The following CCDC148 variants were observed in gnomAD, a reference collection of about 807,000 sequenced individuals.
CCDC148 encodes coiled-coil domain containing 148.
In CCDC148, 89 loss-of-function variants were observed where a neutral mutation model predicts 85.7. The observed-to-expected ratio is 1.04, with a 90% CI of 0.87 to 1.24. CCDC148 has a LOEUF of 1.24. Among genes scored for constraint, CCDC148 ranks in the 50% most tolerant of loss-of-function variants. CCDC148 has a pLI of 0.00. For missense variants in CCDC148, 692 were observed against 671.7 expected (o/e 1.03, Z -0.33); for synonymous variants, 230 against 213.9 (o/e 1.08, Z -0.66).
intron 9 of CCDC148, among the ~76,000 whole-genome samples, chr2:158,270,388 A>C (rs1166032846): frequency 6.6e-6 from 1 of 152,174 alleles, no homozygotes; most frequent in Non-Finnish European, 1.5e-5. Flanking sequence ...CAAGTGTACT[A>C]AGCATTGTAT....
At chr2:158,413,603 C>CTTTT (rs4028060) in intron 1 of CCDC148, among the ~76,000 whole-genome samples, 5 of 148,816 alleles carry the variant, frequency 3.4e-5, no homozygotes, top group Middle Eastern at 3.5e-3. Context: ...TTTCTCTTGC[C>CTTTT]TTTTTTTTTT....
intron 1 of CCDC148, among the ~76,000 whole-genome samples, chr2:158,385,225 C>G (rs1418083080): frequency 6.6e-6 from 1 of 152,124 alleles, no homozygotes; most frequent in South Asian, 2.1e-4. Flanking sequence ...ATAATCTCCC[C>G]TATTCTGAGA....
intron 9 of CCDC148, among the ~76,000 whole-genome samples, chr2:158,264,505 A>G (rs948122366): frequency 4.6e-5 from 7 of 152,236 alleles, no homozygotes; most frequent in Admixed American, 2.6e-4. Context: ...GTGCATGTTG[A>G]TATGTGTGCA....
chr2:158,391,761 A>C (rs1685318424), intron 1 of CCDC148, among the ~76,000 whole-genome samples: 1 of 152,300 alleles, frequency 6.6e-6, no homozygotes, highest in African/African-American at 2.4e-5. Flanking sequence ...GTGTAAGTAA[A>C]GTTGTAATCA....
At chr2:158,453,057 T>C (rs994190368) in intron 1 of CCDC148, among the ~76,000 whole-genome samples, 3 of 152,224 alleles carry the variant, frequency 2.0e-5, no homozygotes, top group Non-Finnish European at 4.4e-5. Context: ...CTGATTCCAA[T>C]TTTTTATTGT....
intron 9 of CCDC148, among the ~76,000 whole-genome samples, chr2:158,266,925 T>C (rs1306160809): frequency 1.3e-5 from 2 of 150,608 alleles, no homozygotes; most frequent in African/African-American, 2.4e-5. Flanking sequence ...TATATACATA[T>C]ATATGCACAC....
rs1159095223 is a variant in CCDC148, at chr2:158,371,406, TG to T, written c.26-12837del. On this transcript the variant is annotated intron_variant, in intron 1 of 13. Coordinates refer to ENST00000283233, the MANE Select transcript of CCDC148 (RefSeq NM_138803.4). ...AAATGTACTGGTTAAAGTAATAAACTGTATAGAAAATTGTGTGGTAAGAACT... is the reference window on the plus strand; with the variant it reads ...AAATGTACTGGTTAAAGTAATAAACTTATAGAAAATTGTGTGGTAAGAACT... Among the ~76,000 whole-genome samples, 3 of 152,054 alleles carry T rather than the reference TG, an allele frequency of 2.0e-5. No homozygotes were observed. In the East Asian group the frequency reaches 5.8e-4, roughly 29 times the overall value.
intron 1 of CCDC148, among the ~76,000 whole-genome samples, chr2:158,444,204 C>T (rs1473667279): frequency 6.6e-6 from 1 of 151,750 alleles, no homozygotes; most frequent in Non-Finnish European, 1.5e-5. Flanking sequence ...CATACACACA[C>T]ATATATATAT....
intron 1 of CCDC148, among the ~76,000 whole-genome samples, chr2:158,449,693 C>T (rs1385955832): frequency 2.6e-5 from 4 of 152,200 alleles, no homozygotes; most frequent in African/African-American, 7.2e-5. Flanking sequence ...AGGTGATCTG[C>T]CTGCCTTGGC....
intron 1 of CCDC148, among the ~76,000 whole-genome samples, chr2:158,372,309 A>C (rs1226174620): frequency 6.6e-6 from 1 of 152,088 alleles, no homozygotes; most frequent in Non-Finnish European, 1.5e-5. Context: ...CTGACCAGAA[A>C]CTATGACTGG....
intron 11 of CCDC148, among the ~76,000 whole-genome samples, chr2:158,196,095 T>G (rs1685656039): frequency 6.6e-6 from 1 of 152,132 alleles, no homozygotes; most frequent in African/African-American, 2.4e-5. Flanking sequence ...CTGAGCCAAT[T>G]GTTACATTTT....
rs1247745980 is a variant in CCDC148, at chr2:158,358,571, C to G, written c.26-1G>C. The G allele has an allele frequency of 1.9e-5, 30 of 1,542,012 alleles. No individual in the cohort carries two copies. The highest frequency in any genetic ancestry group is 2.6e-5 in the Non-Finnish European group (30 of 1,145,512). On this transcript the variant is annotated splice_acceptor_variant, in intron 1 of 13. Transcript: ENST00000283233. LOFTEE classifies it high-confidence loss of function. Reference sequence around the variant, plus strand: ...TTTTTCATATGGAATACCAGATTATCTATTAGTCATAAAAATAGAAAAATG... The same window carrying G: ...TTTTTCATATGGAATACCAGATTATGTATTAGTCATAAAAATAGAAAAATG...
intron 7 of CCDC148, among the ~76,000 whole-genome samples, chr2:158,329,888 A>C (rs1693002024): frequency 6.6e-6 from 1 of 152,172 alleles, no homozygotes; most frequent in African/African-American, 2.4e-5. Context: ...GAAGTTACCT[A>C]TTAGCTAAGG....
rs373069132 is a variant in CCDC148, at chr2:158,278,431, C to T, written c.1111-27519G>A. 2.4e-4 allele frequency among the ~76,000 whole-genome samples: 36 copies of T among 152,324 alleles called. No homozygotes were observed. The South Asian group carries it at 7.5e-3, about 32-fold the overall frequency. On this transcript the variant is annotated intron_variant, in intron 9 of 13. Transcript: ENST00000283233. ...TCGGGTCACTCCCACCCTAATACCG[C>T]ACTTTTCCGATGGGCTTAAAAAATG...
intron 1 of CCDC148, among the ~76,000 whole-genome samples, chr2:158,411,220 T>C (rs1686245245): frequency 6.6e-6 from 1 of 152,176 alleles, no homozygotes; most frequent in Admixed American, 6.5e-5. Flanking sequence ...TGGACATCTA[T>C]TTCCTATCCC....
chr2:158,307,865 C>G (rs1691771801), intron 9 of CCDC148, among the ~76,000 whole-genome samples: 1 of 152,082 alleles, frequency 6.6e-6, no homozygotes, highest in Admixed American at 6.5e-5. Flanking sequence ...ATAGTGATCA[C>G]AGGTGGGGAT....
chr2:158,226,361 T>TGG (rs1198764367), intron 10 of CCDC148, among the ~76,000 whole-genome samples: 1 of 151,836 alleles, frequency 6.6e-6, no homozygotes, highest in African/African-American at 2.4e-5. Context: ...TTCACAGCCA[T>TGG]ATTCTATCAG....
intron 1 of CCDC148, among the ~76,000 whole-genome samples, chr2:158,437,677 G>A (rs1687726241): frequency 6.6e-6 from 1 of 152,160 alleles, no homozygotes; most frequent in Non-Finnish European, 1.5e-5. Context: ...AGGAAAAGAG[G>A]AAGTCAAATT....
intron 1 of CCDC148, among the ~76,000 whole-genome samples, chr2:158,362,860 CA>C (rs1415827461): frequency 2.0e-5 from 3 of 151,990 alleles, no homozygotes; most frequent in Non-Finnish European, 4.4e-5. Context: ...AAAAACCCTT[CA>C]AAAAATCCAT....
Sources: allele counts gnomAD v4.1 joint callset (sites outside exome capture counted in the v4.1 genomes callset), GRCh38; gene constraint gnomAD v4.1.1; transcripts MANE v1.5; gene names NCBI Gene and HGNC (gene_info 2026-07-23, HGNC 2026-07-21).